DTX1: variants seen among roughly 807,000 people sequenced by gnomAD.
DTX1 encodes the protein deltex E3 ubiquitin ligase 1.
DTX1 carries 26 observed loss-of-function variants against 57.8 expected under a neutral mutation model. The observed-to-expected ratio is 0.45, with a 90% CI of 0.33 to 0.62. The LOEUF is 0.62. Among genes scored for constraint, DTX1 ranks in the 20% least tolerant of loss-of-function variants. DTX1 has a pLI of 0.02. For synonymous variants in DTX1, 398 were observed against 394.1 expected, an observed-to-expected ratio of 1.01 and a Z score of -0.12; for missense variants, 704 against 895.3, an observed-to-expected ratio of 0.79 and a Z score of 2.73.
intron 2 of DTX1, among the ~76,000 whole-genome samples, chr12:113,067,167 C>T (rs2044709155): frequency 1.3e-5 from 2 of 151,954 alleles, no homozygotes; most frequent in Non-Finnish European, 2.9e-5. Context: ...AGCTGCAGCA[C>T]AGCCACCTCT....
At position 113,071,256 on chromosome 12, in the gene DTX1, C is replaced by T. The variant is rs572734827; in HGVS notation, c.260-6168C>T. On this transcript the variant is annotated intron_variant, in intron 2 of 9. Coordinates refer to ENST00000548759, the MANE Select transcript of DTX1 (RefSeq NM_004416.3). ...ACTGGCAGCTGTGGCTGTGGCCGCC[C>T]CCACACCCGGTCTCAGGGGCCCAGC... is the stretch of plus-strand genomic sequence containing the variant. Among the ~76,000 whole-genome samples the T allele has an allele frequency of 1.4e-4, 21 of 152,366 alleles. No homozygotes were observed. The East Asian group carries it at 4.0e-3, about 29-fold the overall frequency.
rs1471765498 is a variant in DTX1, at chr12:113,095,179, C to T, written c.1524C>T (p.Val508=). 6.2e-7 allele frequency: 1 copy of T among 1,608,738 alleles called. No individual in the cohort carries two copies. Among genetic ancestry groups the T allele is most frequent in the East Asian group, 2.2e-5 (1 of 44,716 alleles). The change falls in exon 8 of 10, where the codon GTC becomes GTT. Residue 508 remains valine, a synonymous_variant. Transcript: ENST00000548759. ...CTGATACCCAGACCATCCGCATCGT[C>T]TATGACATCCCCACAGGCATCCAGG... ...GFPDTQTIRI[V]YDIPTGIQGP... is the part of the protein sequence containing the mutation.
chr12:113,092,589 A>C (rs886601927), intron 3 of DTX1, among the ~76,000 whole-genome samples: 1 of 152,154 alleles, frequency 6.6e-6, no homozygotes, highest in African/African-American at 2.4e-5. Context: ...AGAAGAGAAA[A>C]AAAATTCATC....
chr12:113,063,346 A>G (rs1158338060), intron 2 of DTX1, among the ~76,000 whole-genome samples: 1 of 152,178 alleles, frequency 6.6e-6, no homozygotes, highest in Non-Finnish European at 1.5e-5. Context: ...ATCCCCTGCC[A>G]CTGGGACAGC....
chr12:113,068,041 A>AAAAT (rs941760915), intron 2 of DTX1, among the ~76,000 whole-genome samples: 14 of 152,248 alleles, frequency 9.2e-5, no homozygotes, highest in South Asian at 4.1e-4. Flanking sequence ...CCTGTCTCAA[A>AAAAT]AAATAAATAA....
chr12:113,096,865 G>A lies in DTX1; in HGVS notation c.1789G>A (p.Asp597Asn). The A allele has an allele frequency of 1.2e-6, 2 of 1,613,800 alleles. No homozygotes were observed. Among genetic ancestry groups the A allele is most frequent in the East Asian group, 2.2e-5 (1 of 44,884 alleles). ...GSNLTGHGYP[D>N]ASYLDNVLAE... ...CAACCTCACGGGCCACGGCTACCCG[G>A]ACGCTAGCTACCTAGACAACGTGCT... The change falls in exon 10 of 10, where the codon GAC becomes AAC. Residue 597 changes from aspartate (D) to asparagine (N), a missense_variant. By Grantham distance (23) the Asp-to-Asn change is conservative. This residue lies in a region of DTX1 where 168 missense variants were observed against 255.6 expected (regional missense o/e 0.66). Coordinates refer to ENST00000548759, the MANE Select transcript of DTX1 (RefSeq NM_004416.3).
At chr12:113,080,968 C>T (rs1472243506) in intron 3 of DTX1, among the ~76,000 whole-genome samples, 1 of 114,070 alleles carries the variant, frequency 8.8e-6, no homozygotes, top group East Asian at 2.1e-4. Context: ...GAGCAAGACA[C>T]TGTCTCAAAA....
At chr12:113,095,870 C>G (rs1950286012) in intron 9 of DTX1, among the ~76,000 whole-genome samples, 1 of 152,136 alleles carries the variant, frequency 6.6e-6, no homozygotes. Flanking sequence ...GGAGTCCAAA[C>G]TAAATAGAGC....
chr12:113,063,121 C>T (rs939921539), intron 2 of DTX1, among the ~76,000 whole-genome samples: 3 of 152,224 alleles, frequency 2.0e-5, no homozygotes, highest in Non-Finnish European at 4.4e-5. Flanking sequence ...TTCTTCATTT[C>T]CCTCTGTCTC....
intron 2 of DTX1, among the ~76,000 whole-genome samples, chr12:113,070,062 C>T (rs988834558): frequency 6.6e-6 from 1 of 152,126 alleles, no homozygotes; most frequent in African/African-American, 2.4e-5. Flanking sequence ...TAGGCTCCAG[C>T]TGGACCACTC....
chr12:113,083,235 G>C (rs949646459), intron 3 of DTX1, among the ~76,000 whole-genome samples: 3 of 152,178 alleles, frequency 2.0e-5, no homozygotes, highest in Non-Finnish European at 2.9e-5. Context: ...GTCACATTCT[G>C]AGGTCCTGAG....
intron 3 of DTX1, among the ~76,000 whole-genome samples, chr12:113,086,845 C>T (rs1451361448): frequency 6.7e-6 from 1 of 149,768 alleles, no homozygotes; most frequent in Non-Finnish European, 1.5e-5. Flanking sequence ...TTTTCTGCCC[C>T]GCTAGCCACT....
chr12:113,065,477 C>A (rs1045607914), intron 2 of DTX1, among the ~76,000 whole-genome samples: 2 of 152,112 alleles, frequency 1.3e-5, no homozygotes, highest in African/African-American at 2.4e-5. Flanking sequence ...CCGGGACAGA[C>A]CCCCTCGCAG....
chr12:113,093,494 G>C lies in DTX1; in HGVS notation c.1004-45G>C. ...CCAGGGCCAGTGGTCGGGGGTTTGG[G>C]CGGGGATGGCGCCCCGCCCTGTGAC... On this transcript the variant is annotated intron_variant, in intron 4 of 9. Transcript: ENST00000548759. This position sits in a 1 kb window ranked among gnomAD's most constrained non-coding sequence, Gnocchi z 4.2. The C allele has an allele frequency of 1.5e-5, 22 of 1,516,086 alleles. No individual in the cohort carries two copies. Among genetic ancestry groups the C allele is most frequent in the Non-Finnish European group, 1.9e-5 (22 of 1,131,920 alleles). The allele number at this position is 1,516,086 out of a possible 1,614,324, so 93.9% of individuals were successfully genotyped here. A position where few individuals can be genotyped will look rare whatever the true frequency, so the allele number is the denominator to read the frequency against.
At chr12:113,080,039 T>C (rs77322010) in intron 3 of DTX1, among the ~76,000 whole-genome samples, 2,785 of 152,252 alleles carry the variant, frequency 0.018, 37 homozygotes, top group African/African-American at 0.033. Flanking sequence ...ACTTTTGCTC[T>C]CCAGGAGGAG....
chr12:113,068,993 A>T (rs1028888922), intron 2 of DTX1, among the ~76,000 whole-genome samples: 3 of 152,230 alleles, frequency 2.0e-5, no homozygotes, highest in African/African-American at 7.2e-5. Context: ...TGTACAAGAC[A>T]GTGATCGTAA....
chr12:113,085,550 T>G (rs914209952), intron 3 of DTX1, among the ~76,000 whole-genome samples: 27 of 152,260 alleles, frequency 1.8e-4, no homozygotes, highest in African/African-American at 5.8e-4. Context: ...TTCTTTGGCT[T>G]ATCCTTCCCT....
intron 2 of DTX1, among the ~76,000 whole-genome samples, chr12:113,075,941 T>C (rs1476013825): frequency 1.3e-5 from 2 of 151,620 alleles, no homozygotes; most frequent in East Asian, 3.9e-4. Context: ...TCCCTGACCT[T>C]GTGGCTATTA....
Position 113,077,576 on chromosome 12 carries a change from C to T in DTX1, c.412C>T (p.Pro138Ser). 6.2e-7 allele frequency: 1 copy of T among 1,613,774 alleles called. No homozygotes were observed. Among genetic ancestry groups the T allele is most frequent in the Non-Finnish European group, 8.5e-7 (1 of 1,179,916 alleles). The change falls in exon 3 of 10, where the codon CCG becomes TCG. Residue 138 changes from proline (P) to serine (S), a missense_variant. Transcript: ENST00000548759. This position sits in a 1 kb window ranked among gnomAD's most constrained non-coding sequence, Gnocchi z 7.8. ...TIQNAYEKQH[P>S]WLDLSSLGFC... ...CCAGAACGCCTACGAGAAGCAGCAC[C>T]CGTGGCTCGACCTCTCATCGCTAGG...
Sources: gnomAD v4.1 joint callset for allele counts (sites outside exome capture counted in the v4.1 genomes callset) on GRCh38, gnomAD v4.1.1 for gene constraint, gnomAD v4.1.1 regional missense constraint, Gnocchi (gnomAD v3.1) non-coding constraint, MANE v1.5 for transcripts, NCBI Gene and HGNC (gene_info 2026-07-23, HGNC 2026-07-21) for gene names.